The following DCBLD1 variants were observed in gnomAD, a reference collection of about 807,000 sequenced individuals.
DCBLD1 encodes discoidin, CUB and LCCL domain containing 1, also known as discoidin, CUB and LCCL domain-containing protein 1.
DCBLD1 carries 57 observed loss-of-function variants against 71.5 expected under a neutral mutation model. The observed-to-expected ratio is 0.80, with a 90% CI of 0.64 to 0.99. The LOEUF (loss-of-function observed/expected upper bound fraction) is 0.99. DCBLD1 is among the 50% of genes least tolerant of loss of function. DCBLD1 has a pLI of 0.00. For missense variants in DCBLD1, 891 were observed against 923.5 expected (o/e 0.96, Z 0.46); for synonymous variants, 380 against 363.8 (o/e 1.04, Z -0.51).
chr6:117,482,914 T>G (rs1432722105), intron 1 of DCBLD1, 21 bp downstream of exon 1: 68 of 1,178,690 alleles, frequency 5.8e-5, no homozygotes, highest in Non-Finnish European at 6.7e-5. Context: ...CGCGTCCGGC[T>G]GGCGGCGGGA....
At chr6:117,496,442 AAG>A (rs1244127744) in intron 1 of DCBLD1, among the ~76,000 whole-genome samples, 4 of 152,220 alleles carry the variant, frequency 2.6e-5, no homozygotes, top group African/African-American at 9.6e-5. Flanking sequence ...CAAAGTTTCT[AAG>A]AGAGTAAGGC....
intron 1 of DCBLD1, among the ~76,000 whole-genome samples, chr6:117,486,178 T>A (rs1160619135): frequency 6.6e-6 from 1 of 152,234 alleles, no homozygotes; most frequent in Non-Finnish European, 1.5e-5. Flanking sequence ...TAGTAAGGCA[T>A]CTGACATTTA....
chr6:117,486,221 G>T (rs1777080872), intron 1 of DCBLD1, among the ~76,000 whole-genome samples: 1 of 152,184 alleles, frequency 6.6e-6, no homozygotes, highest in African/African-American at 2.4e-5. Flanking sequence ...AAGATACATG[G>T]GGGCATGAAT....
At position 117,540,728 on chromosome 6, in the gene DCBLD1, G is replaced by A. The variant is rs182227121; in HGVS notation, c.1162G>A (p.Val388Met). 94 of 1,614,158 alleles carry A rather than the reference G, an allele frequency of 5.8e-5. 1 individual carries two copies. In the Admixed American group the frequency reaches 1.1e-3, roughly 19 times the overall value. The change falls in exon 10 of 15, where the codon GTG (valine) becomes ATG (methionine). Residue 388 changes from valine to methionine, a missense_variant. Transcript: ENST00000338728. Reference sequence around the variant, plus strand: ...GCAAAACAATTTCATCCCTCCCATCGTGGCCAGATATGTGCGGGTTGTCCC... The same window carrying A: ...GCAAAACAATTTCATCCCTCCCATCATGGCCAGATATGTGCGGGTTGTCCC... ...PVQNNFIPPIVARYVRVVPQT... is the reference protein window; with the variant it reads ...PVQNNFIPPIMARYVRVVPQT...
intron 14 of DCBLD1, among the ~76,000 whole-genome samples, chr6:117,566,669 TAGA>T (rs1291897027): frequency 6.6e-6 from 1 of 152,152 alleles, no homozygotes; most frequent in Non-Finnish European, 1.5e-5. Context: ...AAGATGAATA[TAGA>T]AGAACATATA....
chr6:117,550,490 C>T (rs900562276), downstream of DCBLD1, among the ~76,000 whole-genome samples: 1 of 152,144 alleles, frequency 6.6e-6, no homozygotes, highest in Non-Finnish European at 1.5e-5. Flanking sequence ...TTGTATTCTG[C>T]CACTTCTTAA....
rs745471127 is a variant in DCBLD1 at position 117,548,212 on chromosome 6, C to T, written c.1921C>T (p.Pro641Ser). Residue 641 changes from proline to serine, a missense_variant, in exon 15 of 15, where the codon CCC becomes TCC. Physicochemically the swap from Pro to Ser is moderately conservative, Grantham distance 74 (BLOSUM62 -1). Transcript: ENST00000338728. ...CTCCCTCTCCTCGGGCGGCTTCTCC[C>T]CCGTAGCGGGTGTGGGCGCCCAGGA... is the stretch of plus-strand genomic sequence containing the variant. Reference protein sequence around the residue: ...KHSLSSGGFSPVAGVGAQDGD... With the variant: ...KHSLSSGGFSSVAGVGAQDGD... 1 of 1,550,554 alleles carries T rather than the reference C, an allele frequency of 6.4e-7. No homozygotes were observed. Among genetic ancestry groups the T allele is most frequent in the Non-Finnish European group, 8.7e-7 (1 of 1,146,962 alleles).
At chr6:117,521,725 A>G (rs1778393856) in intron 4 of DCBLD1, 149 bp downstream of exon 4, 1 of 705,124 alleles carries the variant, frequency 1.4e-6, no homozygotes, top group Non-Finnish European at 2.3e-6. Context: ...TTTGTTATAT[A>G]GCAGGAAGTC....
At chr6:117,562,292 TAGAA>T (rs1046943572) in intron 14 of DCBLD1, 10 of 205,528 alleles carry the variant, frequency 4.9e-5, no homozygotes, top group African/African-American at 2.3e-4. Context: ...ATCATTTACT[TAGAA>T]AGAAAACTGC....
At chr6:117,547,846 G>A in intron 14 of DCBLD1, 61 bp from the exon 15 acceptor site, 2 of 1,549,636 alleles carry the variant, frequency 1.3e-6, no homozygotes, top group Non-Finnish European at 1.7e-6. Context: ...ATCCCCGTCT[G>A]CCACTGACAG....
chr6:117,556,799 T>C (rs1016491803), intron 14 of DCBLD1, among the ~76,000 whole-genome samples: 3 of 152,216 alleles, frequency 2.0e-5, no homozygotes, highest in Non-Finnish European at 4.4e-5. Flanking sequence ...GAAATCTCTA[T>C]ACTGTTTTCC....
intron 6 of DCBLD1, among the ~76,000 whole-genome samples, chr6:117,533,001 G>A (rs1562454241): frequency 6.6e-6 from 1 of 152,182 alleles, no homozygotes; most frequent in Admixed American, 6.5e-5. Context: ...ATTAGAAGGT[G>A]TAAAACTAGA....
intron 2 of DCBLD1, among the ~76,000 whole-genome samples, chr6:117,516,081 C>T (rs1043740144): frequency 2.4e-4 from 36 of 152,080 alleles, no homozygotes; most frequent in African/African-American, 8.0e-4. Flanking sequence ...TGGTCGGGCG[C>T]GGTGGCTCAC....
chr6:117,563,384 C>A (rs79478098), intron 14 of DCBLD1: 2 of 1,612,062 alleles, frequency 1.2e-6, no homozygotes, highest in East Asian at 4.5e-5. Context: ...CTTATTAAAT[C>A]CTGAAAGAAA....
chr6:117,498,599 C>T (rs911006365), intron 1 of DCBLD1, among the ~76,000 whole-genome samples: 8 of 152,050 alleles, frequency 5.3e-5, no homozygotes, highest in Non-Finnish European at 8.8e-5. Flanking sequence ...ATCATAAGAT[C>T]GTGGTTTTAT....
chr6:117,503,684 T>G, intron 1 of DCBLD1, 83 bp from the exon 2 acceptor site: 22 of 1,430,946 alleles, frequency 1.5e-5, no homozygotes, highest in Non-Finnish European at 1.9e-5. Flanking sequence ...ATACATAACT[T>G]GGAGATTGTA....
At chr6:117,492,157 C>G (rs1271205667) in intron 1 of DCBLD1, among the ~76,000 whole-genome samples, 1 of 152,170 alleles carries the variant, frequency 6.6e-6, no homozygotes, top group Non-Finnish European at 1.5e-5. Context: ...AAGTATTTCC[C>G]TGTCAACAAT....
chr6:117,523,698 G>A (rs560381239), intron 4 of DCBLD1, among the ~76,000 whole-genome samples: 2 of 152,274 alleles, frequency 1.3e-5, no homozygotes, highest in East Asian at 3.9e-4. Context: ...AGGTCAATGG[G>A]AAAAAATTAT....
At chr6:117,504,802 A>C (rs1368058855) in intron 2 of DCBLD1, among the ~76,000 whole-genome samples, 2 of 152,206 alleles carry the variant, frequency 1.3e-5, no homozygotes, top group Non-Finnish European at 2.9e-5. Flanking sequence ...CGATAACAAA[A>C]TCTTACATAC....
Sources: gnomAD v4.1 joint callset for allele counts (sites outside exome capture counted in the v4.1 genomes callset) on GRCh38, gnomAD v4.1.1 for gene constraint, MANE v1.5 for transcripts, NCBI Gene and HGNC (gene_info 2026-07-23, HGNC 2026-07-21) for gene names.